VWF: variants seen among roughly 807,000 people sequenced by gnomAD.
The protein encoded by VWF is Factor VIII related antigen.
VWF carries 176 observed loss-of-function variants against 308.6 expected under a neutral mutation model. The observed-to-expected ratio is 0.57, with a 90% CI of 0.50 to 0.65. VWF has a LOEUF of 0.65. Among genes scored for constraint, VWF ranks in the 30% least tolerant of loss-of-function variants. The pLI is 0.00. For missense variants in VWF, 3,146 were observed against 3,648.2 expected (o/e 0.86, Z 3.55); for synonymous variants, 1,385 against 1,443.4 (o/e 0.96, Z 0.92).
chr12:6,108,018 G>A (rs71459993), intron 5 of VWF, among the ~76,000 whole-genome samples: 1 of 151,950 alleles, frequency 6.6e-6, no homozygotes, highest in Non-Finnish European at 1.5e-5. Context: ...AGCAGGCCAG[G>A]CACGGTGACT....
In VWF at chr12:5,996,155, G is replaced by A; in HGVS notation, c.5910C>T (p.Gly1970=). The change falls in exon 35 of 52, where the codon GGC becomes GGT. Residue 1970 remains glycine (G), a synonymous_variant. Coordinates refer to ENST00000261405, the MANE Select transcript of VWF (RefSeq NM_000552.5). ...TFDGQNFKLT[G]SCSYVLFQNK... ...TTTGAAATAGGACATAAGAACAGCT[G>A]CCAGTCAGCTTGAAATTCTGCCCAT... 1 of 1,614,098 alleles carries A rather than the reference G, an allele frequency of 6.2e-7. No homozygotes were observed. The highest frequency in any genetic ancestry group is 1.3e-5 in the African/African-American group (1 of 75,050).
At position 6,103,409 on chromosome 12, in the gene VWF, TACACACGTGTGTGTATAC is replaced by T. The variant is rs1364185065; in HGVS notation, c.532+6947_532+6964del. On this transcript the variant is annotated intron_variant, in intron 5 of 51. Coordinates refer to ENST00000261405, the MANE Select transcript of VWF (RefSeq NM_000552.5). ...ACGTGTGTGTATACACGTGTGTGTA[TACACACGTGTGTGTATAC>T]ACACGTGTGTATATACATACACATA... Among the ~76,000 whole-genome samples the T allele has an allele frequency of 4.7e-4, 50 of 107,516 alleles. 4 individuals are homozygous for T. Among genetic ancestry groups the T allele is most frequent in the African/African-American group, 7.7e-4 (9 of 11,642 alleles). 70.5% of individuals were successfully genotyped at this position (107,516 alleles called of 152,430 possible).
intron 24 of VWF, among the ~76,000 whole-genome samples, chr12:6,025,193 G>A (rs1192873899): frequency 6.6e-6 from 1 of 152,216 alleles, no homozygotes; most frequent in African/African-American, 2.4e-5. Flanking sequence ...GGGGTTTTAG[G>A]GGGTGGGAGA....
Position 5,956,226 on chromosome 12 carries a change from T to G in VWF, c.7888-2632A>C, listed in dbSNP as rs151309262. Among the ~76,000 whole-genome samples, 41 of 152,348 alleles carry G rather than the reference T, an allele frequency of 2.7e-4. No homozygotes were observed. The East Asian group carries it at 7.3e-3, about 27-fold the overall frequency. On this transcript the variant is annotated intron_variant, in intron 47 of 51. Coordinates refer to ENST00000261405, the MANE Select transcript of VWF (RefSeq NM_000552.5). ...CATGCAATTATGTACTTGATGATAA[T>G]GTATGTTACTGGTTTATGAATACTT...
At chr12:5,983,543 G>GATAGATAGATAGATAGATA (rs1161712163) in intron 40 of VWF, among the ~76,000 whole-genome samples, 6,330 of 141,280 alleles carry the variant, frequency 0.045, 212 homozygotes, top group East Asian at 0.12. Context: ...ATAGATAGAT[G>GATAGATAGATAGATAGATA]GATGATAGAT....
chr12:6,085,910 T>G (rs1006659097), intron 6 of VWF, among the ~76,000 whole-genome samples: 1 of 151,906 alleles, frequency 6.6e-6, no homozygotes, highest in Non-Finnish European at 1.5e-5. Flanking sequence ...TAAAAAAAAA[T>G]TTTTAAAGGC....
At chr12:5,958,209 A>G (rs1322337742) in intron 47 of VWF, among the ~76,000 whole-genome samples, 1 of 152,240 alleles carries the variant, frequency 6.6e-6, no homozygotes, top group Non-Finnish European at 1.5e-5. Flanking sequence ...TAACAGAAGA[A>G]TAGCTTTAAC....
In VWF at chr12:6,018,697, T is replaced by G. The variant is rs775720629; in HGVS notation, c.4721A>C (p.Asn1574Thr). 6.2e-7 allele frequency: 1 copy of G among 1,613,760 alleles called. No homozygotes were observed. The highest frequency in any genetic ancestry group is 8.5e-7 in the Non-Finnish European group (1 of 1,179,860). ...CAGGGCCAGCCCAGTGTTGGTCCTG[T>G]TGCCGCCCTGGTAGCGGATCTCTCG... ...RVREIRYQGGNRTNTGLALRY... is the reference protein window; with the variant it reads ...RVREIRYQGGTRTNTGLALRY... Residue 1574 changes from asparagine (N) to threonine (T), a missense_variant, in exon 28 of 52, where the codon AAC becomes ACC. Physicochemically the swap from Asn to Thr is moderately conservative, Grantham distance 65. Around this residue, in one of 3 missense-constraint regions of VWF, gnomAD observed 853 missense variants for 1,177.8 expected, o/e 0.72. Transcript: ENST00000261405.
intron 47 of VWF, among the ~76,000 whole-genome samples, chr12:5,961,390 A>G (rs1362882740): frequency 6.6e-6 from 1 of 152,180 alleles, no homozygotes; most frequent in East Asian, 1.9e-4. Context: ...TATCATACTT[A>G]ATGAATTAAT....
chr12:6,065,303 T>A, intron 10 of VWF, 30 bp from the exon 11 acceptor site: 8 of 1,613,696 alleles, frequency 5.0e-6, no homozygotes, highest in Non-Finnish European at 6.8e-6. Context: ...GGGAGAAGAA[T>A]GGGAGGTGAG....
intron 1 of VWF, among the ~76,000 whole-genome samples, chr12:6,123,509 G>T (rs1266664680): frequency 6.6e-6 from 1 of 152,150 alleles, no homozygotes; most frequent in Non-Finnish European, 1.5e-5. Context: ...TCACATCCCT[G>T]CCTCCTGAAG....
At chr12:5,985,160 G>A (rs755481937) in intron 39 of VWF, 41 bp from the exon 40 acceptor site, 3 of 1,587,902 alleles carry the variant, frequency 1.9e-6, no homozygotes, top group Middle Eastern at 1.7e-4. Flanking sequence ...AGAAATTAGT[G>A]GTGGGACAGC....
intron 47 of VWF, among the ~76,000 whole-genome samples, chr12:5,964,549 A>G (rs1275808320): frequency 6.6e-6 from 1 of 152,122 alleles, no homozygotes; most frequent in African/African-American, 2.4e-5. Flanking sequence ...AGATCCATTC[A>G]TTGGGGTCCT....
chr12:6,031,422 G>T (rs1343085528), intron 21 of VWF, 22 bp downstream of exon 21: 34 of 1,614,158 alleles, frequency 2.1e-5, no homozygotes, highest in Non-Finnish European at 2.9e-5. Flanking sequence ...GGACATGAGG[G>T]TGGAGATGAG....
chr12:5,976,339 C>T, intron 42 of VWF, 79 bp from the exon 43 acceptor site: 1 of 1,585,826 alleles, frequency 6.3e-7, no homozygotes, highest in Non-Finnish European at 8.7e-7. Context: ...TACACAGAAG[C>T]CGCTCTAAGT....
chr12:6,069,058 T>C (rs999283573), intron 10 of VWF, among the ~76,000 whole-genome samples: 1 of 151,596 alleles, frequency 6.6e-6, no homozygotes, highest in African/African-American at 2.4e-5. Flanking sequence ...GGTTTCACCA[T>C]GTTGCCCAGG....
Position 6,016,646 on chromosome 12 carries a change from G to A in VWF, c.5181C>T (p.Leu1727=). Residue 1727 remains leucine (L), a synonymous_variant, in exon 30 of 52, where the codon CTC becomes CTT. Transcript: ENST00000261405. ...CATACTGCAGCACTGACACCTGAGT[G>A]AGACGAGGCCCTAAACGGAACGAGA... ...FISKANIGPR[L]TQVSVLQYGS... is the part of the protein sequence containing the mutation. 2 of 1,614,214 alleles carry A rather than the reference G, an allele frequency of 1.2e-6. No individual in the cohort carries two copies. The highest frequency in any genetic ancestry group is 1.7e-6 in the Non-Finnish European group (2 of 1,180,048).
intron 34 of VWF, among the ~76,000 whole-genome samples, chr12:6,004,427 C>T (rs1943905287): frequency 6.6e-6 from 1 of 152,076 alleles, no homozygotes; most frequent in Admixed American, 6.5e-5. Flanking sequence ...GGGATACTTT[C>T]ATAATATAAA....
At chr12:6,096,401 G>C (rs1945106498) in intron 5 of VWF, among the ~76,000 whole-genome samples, 1 of 152,170 alleles carries the variant, frequency 6.6e-6, no homozygotes, top group South Asian at 2.1e-4. Context: ...ACCCCAGCCT[G>C]TATGGGTGTC....
Sources: allele counts gnomAD v4.1 joint callset (sites outside exome capture counted in the v4.1 genomes callset), GRCh38; gene constraint gnomAD v4.1.1; regional missense constraint gnomAD v4.1.1; transcripts MANE v1.5; gene names NCBI Gene and HGNC (gene_info 2026-07-23, HGNC 2026-07-21).